Variants in EYS observed in about 807,000 individuals in gnomAD.
EYS encodes protein eyes shut homolog.
A neutral mutation model predicts 282.1 loss-of-function variants in EYS; 250 were observed. The ratio of observed to expected loss-of-function variants is 0.89; its 90% confidence interval spans 0.80 to 0.98. EYS has a LOEUF of 0.98. Ranked by LOEUF, EYS falls within the 50% of genes least tolerant of loss-of-function variation. The pLI, the probability that EYS is intolerant of heterozygous loss-of-function variation, is 0.00. For synonymous variants in EYS, 1,355 were observed against 1,282.9 expected, an observed-to-expected ratio of 1.06 and a Z score of -1.20; for missense variants, 4,016 against 3,709.0, an observed-to-expected ratio of 1.08 and a Z score of -2.15.
Position 63,778,071 on chromosome 6 carries a change from A to C in EYS, c.7833T>G (p.Ala2611=). ...NAGRSVGQCH[A]SPCSLMKCGN... ...CACATTTCATTAAACTGCAGGGAGA[A>C]GCATGACACTGGCCAACACTGCGTC... The change falls in exon 40 of 43, where the codon GCT becomes GCG. Residue 2611 remains alanine, a synonymous_variant. Coordinates refer to ENST00000503581, the MANE Select transcript of EYS (RefSeq NM_001142800.2). 4.5e-6 allele frequency: 7 copies of C among 1,551,736 alleles called. No individual in the cohort carries two copies. The highest frequency in any genetic ancestry group is 6.1e-6 in the Non-Finnish European group (7 of 1,146,958).
At chr6:63,997,144 A>T (rs1767872240) in intron 34 of EYS, among the ~76,000 whole-genome samples, 1 of 152,266 alleles carries the variant, frequency 6.6e-6, no homozygotes, top group Non-Finnish European at 1.5e-5. Flanking sequence ...AGCTCACAAA[A>T]TTTTCAGTTC....
At chr6:64,842,245 C>A (rs139769019) in intron 19 of EYS, among the ~76,000 whole-genome samples, 2,193 of 151,094 alleles carry the variant, frequency 0.015, 35 homozygotes, top group Middle Eastern at 0.048. Context: ...AGCAAAGTGA[C>A]AGAAAAACAA....
intron 22 of EYS, among the ~76,000 whole-genome samples, chr6:64,657,787 A>G (rs1484654305): frequency 1.3e-5 from 2 of 152,134 alleles, no homozygotes; most frequent in Non-Finnish European, 2.9e-5. Context: ...TGCCCTTAAC[A>G]TTATTTCCTT....
At chr6:64,953,517 C>A (rs905890640) in intron 14 of EYS, among the ~76,000 whole-genome samples, 1 of 151,694 alleles carries the variant, frequency 6.6e-6, no homozygotes, top group Non-Finnish European at 1.5e-5. Flanking sequence ...GCTATAGACA[C>A]AAAGGTTTCC....
intron 2 of EYS, among the ~76,000 whole-genome samples, chr6:65,626,622 G>T (rs1459464035): frequency 2.6e-5 from 4 of 152,002 alleles, no homozygotes; most frequent in African/African-American, 9.7e-5. Flanking sequence ...AATTGTATTT[G>T]TTTACCTAAA....
intron 5 of EYS, among the ~76,000 whole-genome samples, chr6:65,448,593 A>C (rs1306355217): frequency 6.6e-6 from 1 of 152,166 alleles, no homozygotes; most frequent in Non-Finnish European, 1.5e-5. Flanking sequence ...TAAACACAAT[A>C]GGATATTTTG....
chr6:64,023,062 T>C (rs1284715412), intron 33 of EYS, among the ~76,000 whole-genome samples: 1 of 152,232 alleles, frequency 6.6e-6, no homozygotes, highest in African/African-American at 2.4e-5. Context: ...TCTCTATGAA[T>C]TTGCCCATTC....
chr6:63,807,103 G>C (rs1018171647), intron 36 of EYS, among the ~76,000 whole-genome samples: 1 of 152,108 alleles, frequency 6.6e-6, no homozygotes, highest in African/African-American at 2.4e-5. Flanking sequence ...TTCTTGTATC[G>C]AACTCTTCTC....
intron 22 of EYS, among the ~76,000 whole-genome samples, chr6:64,678,168 A>T (rs1769759632): frequency 6.6e-6 from 1 of 151,740 alleles, no homozygotes; most frequent in Non-Finnish European, 1.5e-5. Context: ...TTTGAGTATC[A>T]AAAAGAGTCT....
intron 30 of EYS, among the ~76,000 whole-genome samples, chr6:64,238,006 G>A (rs1297092564): frequency 6.6e-6 from 1 of 152,118 alleles, no homozygotes; most frequent in Non-Finnish European, 1.5e-5. Context: ...TAACATTTAT[G>A]TAATAGGATA....
intron 12 of EYS, among the ~76,000 whole-genome samples, chr6:65,155,403 GAACAGGTTTCACCAAATACA>G (rs150662563): frequency 0.043 from 6,442 of 151,470 alleles, 197 homozygotes; most frequent in Middle Eastern, 0.065. Flanking sequence ...ATTTGACTTT[GAACAGGTTTCACCAAATACA>G]ACACTGAAGC....
At chr6:65,541,133 C>G (rs1338133477) in intron 2 of EYS, among the ~76,000 whole-genome samples, 1 of 152,064 alleles carries the variant, frequency 6.6e-6, no homozygotes, top group Non-Finnish European at 1.5e-5. Flanking sequence ...AATTTTCTCA[C>G]AGCAAAATCT....
At chr6:65,028,121 A>G (rs1772477966) in intron 13 of EYS, among the ~76,000 whole-genome samples, 1 of 152,090 alleles carries the variant, frequency 6.6e-6, no homozygotes, top group Admixed American at 6.5e-5. Context: ...AGAGGTGTGC[A>G]GTGCTCATCA....
chr6:64,197,077 G>C (rs945675303), intron 31 of EYS, among the ~76,000 whole-genome samples: 1 of 151,718 alleles, frequency 6.6e-6, no homozygotes, highest in South Asian at 2.1e-4. Context: ...ATATCACCTA[G>C]GTCTCAGGGC....
intron 35 of EYS, among the ~76,000 whole-genome samples, chr6:63,887,070 A>G (rs1442816197): frequency 6.6e-6 from 1 of 152,164 alleles, no homozygotes; most frequent in Non-Finnish European, 1.5e-5. Context: ...AAGCATGCAA[A>G]CAGTTGACCT....
At chr6:64,582,993 C>T (rs1766122192) in intron 26 of EYS, among the ~76,000 whole-genome samples, 2 of 152,018 alleles carry the variant, frequency 1.3e-5, no homozygotes, top group Non-Finnish European at 2.9e-5. Flanking sequence ...GGGTTAGTTC[C>T]AAATGAGGTT....
rs578096103 is a variant in EYS at position 64,026,094 on chromosome 6, G to A, written c.6726-26911C>T. Among the ~76,000 whole-genome samples the A allele has an allele frequency of 7.2e-5, 11 of 152,334 alleles. 1 individual carries two copies. In the South Asian group the frequency reaches 1.9e-3, roughly 26 times the overall value. On this transcript the variant is annotated intron_variant, in intron 33 of 42. Transcript: ENST00000503581. Reference sequence around the variant, plus strand: ...AACTAGTGTTTCTGCTGCTGCGTCAGTGAGCGCAACTATTCTGATCAGTAG... The same window carrying A: ...AACTAGTGTTTCTGCTGCTGCGTCAATGAGCGCAACTATTCTGATCAGTAG...
chr6:64,864,385 C>CTTTTTTTTTTTTTATTTTTT (rs1766349805), intron 19 of EYS, among the ~76,000 whole-genome samples: 1 of 57,166 alleles, frequency 1.7e-5, no homozygotes, highest in African/African-American at 5.9e-5. Context: ...GCTATACCTT[C>CTTTTTTTTTTTTTATTTTTT]TTTTTTTTTT....
intron 35 of EYS, among the ~76,000 whole-genome samples, chr6:63,981,631 T>C (rs1351679681): frequency 6.6e-6 from 1 of 151,850 alleles, no homozygotes; most frequent in Non-Finnish European, 1.5e-5. Context: ...TAAAGGGACA[T>C]ACAGATCTGG....
Sources: gnomAD v4.1 joint callset for allele counts (sites outside exome capture counted in the v4.1 genomes callset) on GRCh38, gnomAD v4.1.1 for gene constraint, MANE v1.5 for transcripts, NCBI Gene and HGNC (gene_info 2026-07-23, HGNC 2026-07-21) for gene names.